Variants in ZMAT5 observed in about 807,000 individuals in gnomAD.
ZMAT5 encodes the protein zinc finger matrin-type 5.
ZMAT5 carries 23 observed loss-of-function variants against 28.0 expected under a neutral mutation model. The ratio of observed to expected loss-of-function variants is 0.82; its 90% CI spans 0.59 to 1.16. The LOEUF (loss-of-function observed/expected upper bound fraction) is 1.16, where lower values mean the gene tolerates loss of function less well. Among genes scored for constraint, ZMAT5 ranks in the 50% most tolerant of loss-of-function variants. The pLI is 0.00. For synonymous variants in ZMAT5, 76 were observed against 84.1 expected (o/e 0.90, Z 0.52); for missense variants, 173 against 212.7 (o/e 0.81, Z 1.16).
intron 1 of ZMAT5, among the ~76,000 whole-genome samples, chr22:29,765,588 G>A (rs2147242459): frequency 6.6e-6 from 1 of 151,774 alleles, no homozygotes; most frequent in African/African-American, 2.4e-5. Flanking sequence ...CCACCCATCA[G>A]GCCGGGCATG....
chr22:29,758,460 TTG>T (rs1347492486), intron 1 of ZMAT5, among the ~76,000 whole-genome samples: 1 of 152,016 alleles, frequency 6.6e-6, no homozygotes, highest in Non-Finnish European at 1.5e-5. Flanking sequence ...TACAAACAGT[TTG>T]TTTTTTTTAA....
chr22:29,739,653 G>C (rs372784809), intron 4 of ZMAT5, among the ~76,000 whole-genome samples: 140 of 152,320 alleles, frequency 9.2e-4, no homozygotes, highest in African/African-American at 3.3e-3. Context: ...CCAGTTCCAG[G>C]CCCACTGCCC....
intron 1 of ZMAT5, among the ~76,000 whole-genome samples, chr22:29,752,464 C>G (rs2068063482): frequency 6.6e-6 from 1 of 152,282 alleles, no homozygotes; most frequent in East Asian, 1.9e-4. Flanking sequence ...TGGCTGCCCA[C>G]CCATGCCCTC....
In ZMAT5 at chr22:29,731,000, C is replaced by T; in HGVS notation, c.*225G>A. 1 of 416,622 alleles carries T rather than the reference C, an allele frequency of 2.4e-6. No homozygotes were observed. The highest frequency in any genetic ancestry group is 3.7e-5 in the East Asian group (1 of 26,908). 25.8% of individuals were successfully genotyped at this position (416,622 alleles called of 1,614,324 possible). A position where few individuals can be genotyped will look rare whatever the true frequency, so the allele number is the denominator to read the frequency against. On this transcript the variant is annotated 3_prime_UTR_variant, in exon 6 of 6. Transcript: ENST00000344318. ...TATAAACATTTGGAAGTTTTCTCCCCCATCTTCTTAAGAAGCAGGGGGGCA... is the reference window on the plus strand; with the variant it reads ...TATAAACATTTGGAAGTTTTCTCCCTCATCTTCTTAAGAAGCAGGGGGGCA...
intron 5 of ZMAT5, among the ~76,000 whole-genome samples, chr22:29,734,650 CAG>C (rs1323999463): frequency 6.6e-6 from 1 of 152,214 alleles, no homozygotes; most frequent in Non-Finnish European, 1.5e-5. Context: ...CTCTGCCAGG[CAG>C]AGAGGTGGGA....
intron 1 of ZMAT5, among the ~76,000 whole-genome samples, chr22:29,753,550 G>A (rs894888368): frequency 2.6e-5 from 4 of 151,520 alleles, no homozygotes; most frequent in African/African-American, 9.7e-5. Context: ...ATTGCCGGGT[G>A]TGGTGGCGCA....
At chr22:29,732,625 A>C (rs2067860346) in intron 5 of ZMAT5, among the ~76,000 whole-genome samples, 2 of 151,940 alleles carry the variant, frequency 1.3e-5, no homozygotes, top group African/African-American at 4.8e-5. Context: ...CTGTAGTCCC[A>C]GCTACTTGGG....
intron 1 of ZMAT5, among the ~76,000 whole-genome samples, chr22:29,750,809 G>A (rs927534301): frequency 2.0e-5 from 3 of 152,188 alleles, no homozygotes; most frequent in African/African-American, 4.8e-5. Flanking sequence ...TCAGGAGGAG[G>A]AGACTGGGGA....
In ZMAT5 at chr22:29,755,983, C is replaced by T. The variant is rs577533908; in HGVS notation, c.-27-7412G>A. Among the ~76,000 whole-genome samples, 6 of 152,370 alleles carry T rather than the reference C, an allele frequency of 3.9e-5. No individual in the cohort carries two copies. In the East Asian group the frequency reaches 7.7e-4, roughly 20 times the overall value. On this transcript the variant is annotated intron_variant, in intron 1 of 5. Coordinates refer to ENST00000344318, the MANE Select transcript of ZMAT5 (RefSeq NM_001003692.2). ...GAGGCTGCTACAGGGCAAACATTTG[C>T]GCTTCATCAATATTCTCCATTCCTT...
chr22:29,742,417 C>T lies in ZMAT5; in HGVS notation c.190+1G>A, dbSNP rs1266308773. 6.2e-7 allele frequency: 1 copy of T among 1,613,150 alleles called. No individual in the cohort carries two copies. The highest frequency in any genetic ancestry group is 8.5e-7 in the Non-Finnish European group (1 of 1,179,816). On this transcript the variant is annotated splice_donor_variant, in intron 3 of 5. Transcript: ENST00000344318. LOFTEE classifies it high-confidence loss of function. ...GACCTGAGCTGTGCAGAGGACTTTA[C>T]CTGTCAGTAGAAACTTCCTGCAGGG...
intron 1 of ZMAT5, among the ~76,000 whole-genome samples, chr22:29,758,015 C>CAA (rs547802111): frequency 7.1e-6 from 1 of 140,142 alleles, no homozygotes; most frequent in Non-Finnish European, 1.6e-5. Context: ...ACTCCATCTC[C>CAA]AAAAAAAAAA....
intron 1 of ZMAT5, among the ~76,000 whole-genome samples, chr22:29,752,904 G>A (rs1003200063): frequency 6.6e-6 from 1 of 152,036 alleles, no homozygotes; most frequent in African/African-American, 2.4e-5. Context: ...GGAGACCAAC[G>A]GGCAGCACAG....
At chr22:29,750,365 C>T (rs964849948) in intron 1 of ZMAT5, among the ~76,000 whole-genome samples, 20 of 152,134 alleles carry the variant, frequency 1.3e-4, no homozygotes, top group African/African-American at 4.6e-4. Context: ...TGACAGCTTC[C>T]CAAGGAGATC....
chr22:29,759,301 A>T (rs1217871964), intron 1 of ZMAT5, among the ~76,000 whole-genome samples: 1 of 151,984 alleles, frequency 6.6e-6, no homozygotes, highest in Non-Finnish European at 1.5e-5. Context: ...ATATCATCTG[A>T]TCCTCTATCT....
chr22:29,736,493 G>A (rs1321332917), intron 5 of ZMAT5, among the ~76,000 whole-genome samples: 3 of 152,078 alleles, frequency 2.0e-5, no homozygotes, highest in Non-Finnish European at 4.4e-5. Flanking sequence ...GCTGAGGCAG[G>A]TGAATCACCT....
chr22:29,765,410 G>A (rs2068198238), intron 1 of ZMAT5, among the ~76,000 whole-genome samples: 1 of 151,090 alleles, frequency 6.6e-6, no homozygotes, highest in Non-Finnish European at 1.5e-5. Flanking sequence ...GTGAGACTCT[G>A]TCTCAAAAAA....
intron 1 of ZMAT5, among the ~76,000 whole-genome samples, chr22:29,749,995 C>A (rs1171220087): frequency 6.6e-6 from 1 of 152,132 alleles, no homozygotes; most frequent in African/African-American, 2.4e-5. Flanking sequence ...TTCCTTATAG[C>A]AATGTGAGAA....
intron 1 of ZMAT5, among the ~76,000 whole-genome samples, chr22:29,761,047 G>A (rs2068152026): frequency 6.9e-6 from 1 of 144,004 alleles, no homozygotes; most frequent in African/African-American, 2.6e-5. Flanking sequence ...GGCTGAGGCA[G>A]GCGGATGACA....
rs1406580047 is a variant in ZMAT5, at chr22:29,737,025, C to CAA, written c.383+1303_383+1304dup. Among the ~76,000 whole-genome samples the CAA allele has an allele frequency of 4.5e-4, 33 of 73,924 alleles. 1 individual carries two copies. Among genetic ancestry groups the CAA allele is most frequent in the East Asian group, 3.0e-3 (7 of 2,318 alleles). The allele number at this position is 73,924 out of a possible 152,430, so 48.5% of individuals were successfully genotyped here. A position where few individuals can be genotyped will look rare whatever the true frequency, so the allele number is the denominator to read the frequency against. The stretch of plus-strand genomic sequence containing the variant: ...TGGGCGGTAGAGCAAGAATCCGTCT[C>CAA]AAAAAAAAAAAAAAAAGCCGAGTGT... On this transcript the variant is annotated intron_variant, in intron 5 of 5. Coordinates refer to ENST00000344318, the MANE Select transcript of ZMAT5 (RefSeq NM_001003692.2).
Sources: gnomAD v4.1 joint callset for allele counts (sites outside exome capture counted in the v4.1 genomes callset) on GRCh38, gnomAD v4.1.1 for gene constraint, MANE v1.5 for transcripts, NCBI Gene and HGNC (gene_info 2026-07-23, HGNC 2026-07-21) for gene names.